USP32: variants seen among roughly 807,000 people sequenced by gnomAD.
USP32 encodes the protein ubiquitin carboxyl-terminal hydrolase 32.
A neutral mutation model predicts 204.8 loss-of-function variants in USP32; 59 were observed. That is an observed-to-expected ratio of 0.29 (90% CI 0.23 to 0.36). The LOEUF (loss-of-function observed/expected upper bound fraction) is 0.36, where lower values mean the gene tolerates loss of function less well. USP32 is among the 10% of genes least tolerant of loss of function. The probability of loss-of-function intolerance (pLI) is 1.00; values close to 1 mark genes in which losing one functional copy is unlikely to be tolerated. For synonymous variants in USP32, 517 were observed against 678.4 expected (o/e 0.76, Z 3.70); for missense variants, 1,160 against 1,946.4 (o/e 0.60, Z 7.60).
chr17:60,417,907 A>C (rs1366266061), intron 1 of USP32, among the ~76,000 whole-genome samples: 1 of 151,536 alleles, frequency 6.6e-6, no homozygotes, highest in Non-Finnish European at 1.5e-5. Flanking sequence ...CTCCTGCCTC[A>C]GCCTCCTGAG....
At chr17:60,408,818 A>G (rs890533507) in intron 1 of USP32, among the ~76,000 whole-genome samples, 1 of 152,188 alleles carries the variant, frequency 6.6e-6, no homozygotes, top group Non-Finnish European at 1.5e-5. Context: ...CAGACCAAGG[A>G]GCAGAGACGG....
At chr17:60,373,197 CAAAACTAAAA>C (rs916740755) in intron 1 of USP32, among the ~76,000 whole-genome samples, 1 of 151,896 alleles carries the variant, frequency 6.6e-6, no homozygotes, top group Admixed American at 6.6e-5. Context: ...TGTCTCGAGA[CAAAACTAAAA>C]ATCTTTTTTT....
intron 6 of USP32, among the ~76,000 whole-genome samples, chr17:60,270,678 C>A (rs546861627): frequency 1.3e-5 from 2 of 152,072 alleles, no homozygotes; most frequent in South Asian, 4.2e-4. Context: ...ACAAAATTAG[C>A]CGGGCATGGT....
chr17:60,294,587 C>T (rs756761907), intron 4 of USP32, 96 bp downstream of exon 4: 449 of 696,150 alleles, frequency 6.4e-4, no homozygotes, highest in Non-Finnish European at 9.3e-4. Context: ...GTAATCTGCA[C>T]ATAAACATCT....
intron 1 of USP32, among the ~76,000 whole-genome samples, chr17:60,348,157 A>C (rs1364625467): frequency 6.6e-6 from 1 of 151,950 alleles, no homozygotes; most frequent in Non-Finnish European, 1.5e-5. Flanking sequence ...AAAAAAGATG[A>C]TAAACTTTTT....
At chr17:60,207,920 T>A (rs1204541455) in intron 24 of USP32, 139 bp downstream of exon 24, 3 of 1,435,834 alleles carry the variant, frequency 2.1e-6, no homozygotes, top group South Asian at 1.6e-5. Context: ...AACTTGGCAT[T>A]TTTTGTTGTT....
intron 1 of USP32, among the ~76,000 whole-genome samples, chr17:60,411,796 T>C (rs1480049752): frequency 1.3e-5 from 2 of 152,160 alleles, no homozygotes; most frequent in African/African-American, 4.8e-5. Context: ...GATTCATTTA[T>C]GTTGTAGTAT....
intron 1 of USP32, among the ~76,000 whole-genome samples, chr17:60,419,343 A>G (rs1412842043): frequency 6.6e-6 from 1 of 152,188 alleles, no homozygotes; most frequent in Non-Finnish European, 1.5e-5. Flanking sequence ...GAGGGGAACA[A>G]CACACACTGG....
chr17:60,316,438 T>A (rs1265118473), intron 2 of USP32, among the ~76,000 whole-genome samples: 1 of 152,170 alleles, frequency 6.6e-6, no homozygotes, highest in African/African-American at 2.4e-5. Flanking sequence ...TATGGGTATG[T>A]AAAGCATTAA....
At chr17:60,215,360 T>A (rs2085074868) in intron 16 of USP32, among the ~76,000 whole-genome samples, 1 of 152,024 alleles carries the variant, frequency 6.6e-6, no homozygotes. Context: ...TTGGCAATAT[T>A]TGGATACCAA....
At chr17:60,240,862 C>T (rs924258788) in intron 11 of USP32, among the ~76,000 whole-genome samples, 1 of 152,160 alleles carries the variant, frequency 6.6e-6, no homozygotes, top group African/African-American at 2.4e-5. Flanking sequence ...GTGGCTGGCT[C>T]GTTTGCCTTA....
intron 5 of USP32, among the ~76,000 whole-genome samples, chr17:60,283,771 T>C (rs1296838745): frequency 6.6e-6 from 1 of 151,898 alleles, no homozygotes; most frequent in Non-Finnish European, 1.5e-5. Flanking sequence ...CCAAGAGGCA[T>C]TTATTAAAAT....
At chr17:60,282,217 T>C (rs1258813748) in intron 5 of USP32, among the ~76,000 whole-genome samples, 1 of 152,208 alleles carries the variant, frequency 6.6e-6, no homozygotes, top group Non-Finnish European at 1.5e-5. Flanking sequence ...GTGCCTAAAC[T>C]GAATGCTAAT....
In USP32 at chr17:60,249,738, G is replaced by T. The variant is rs1183963171; in HGVS notation, c.1136+2643C>A. The T allele has an allele frequency of 1.6e-5, 11 of 701,066 alleles. No homozygotes were observed. In the East Asian group the frequency reaches 3.0e-4, roughly 19 times the overall value. 43.4% of individuals were successfully genotyped at this position (701,066 alleles called of 1,614,324 possible). A position where few individuals can be genotyped will look rare whatever the true frequency, so the allele number is the denominator to read the frequency against. On this transcript the variant is annotated intron_variant, in intron 11 of 33. Transcript: ENST00000300896. ...CTTCTCAATTTCTTGTATATATTTGGTCAGTTTCCAGAGTCCTGAAATGGT... is the reference window on the plus strand; with the variant it reads ...CTTCTCAATTTCTTGTATATATTTGTTCAGTTTCCAGAGTCCTGAAATGGT...
intron 1 of USP32, among the ~76,000 whole-genome samples, chr17:60,379,981 A>G (rs1344722521): frequency 6.6e-6 from 1 of 152,218 alleles, no homozygotes; most frequent in Non-Finnish European, 1.5e-5. Flanking sequence ...ATTAATACAC[A>G]TAAAACATGT....
chr17:60,400,245 G>A (rs963712473), intron 1 of USP32, among the ~76,000 whole-genome samples: 5 of 152,288 alleles, frequency 3.3e-5, no homozygotes, highest in East Asian at 1.9e-4. Flanking sequence ...GATTACAGGC[G>A]TGAGCCACCA....
At chr17:60,224,360 G>A (rs1434047214) in intron 13 of USP32, among the ~76,000 whole-genome samples, 5 of 152,220 alleles carry the variant, frequency 3.3e-5, no homozygotes, top group African/African-American at 1.2e-4. Flanking sequence ...TTCTAGGACT[G>A]CTAAGTGATC....
intron 1 of USP32, among the ~76,000 whole-genome samples, chr17:60,362,253 A>AG (rs2089224254): frequency 6.6e-6 from 1 of 152,238 alleles, no homozygotes; most frequent in African/African-American, 2.4e-5. Flanking sequence ...CGTATTAACA[A>AG]GCATAAAAAT....
Position 60,222,491 on chromosome 17 carries a change from C to T in USP32, c.1667G>A (p.Gly556Glu), listed in dbSNP as rs1394528173. ...TTCTGGGACCATTTCATAGTCTCTT[C>T]CATGAATCAGCTGTGGAGTTCGTTT... ...RLKRTPQLIH[G>E]RDYEMVPEPV... is the part of the protein sequence containing the mutation. Residue 556 changes from glycine to glutamate, a missense_variant, in exon 15 of 34, where the codon GGA becomes GAA. Physicochemically the swap from Gly to Glu is moderately conservative, Grantham distance 98. Around this residue, in one of 8 missense-constraint regions of USP32, gnomAD observed 536 missense variants for 680.9 expected, o/e 0.79. Transcript: ENST00000300896. The T allele has an allele frequency of 6.8e-6, 11 of 1,614,116 alleles. No individual in the cohort carries two copies. In the East Asian group the frequency reaches 2.5e-4, roughly 36 times the overall value.
Sources: allele counts gnomAD v4.1 joint callset (sites outside exome capture counted in the v4.1 genomes callset), GRCh38; gene constraint gnomAD v4.1.1; regional missense constraint gnomAD v4.1.1; transcripts MANE v1.5; gene names NCBI Gene and HGNC (gene_info 2026-07-23, HGNC 2026-07-21).